Variants in SHLD1 observed in about 807,000 individuals in gnomAD.
The protein encoded by SHLD1 is shieldin complex subunit 1.
Under a neutral mutation model 5.5 loss-of-function variants are expected in SHLD1, and 3 were observed. That is an observed-to-expected ratio of 0.54 (90% CI 0.25 to 1.40). The LOEUF (loss-of-function observed/expected upper bound fraction) is 1.40. Among genes scored for constraint, SHLD1 ranks in the 40% most tolerant of loss-of-function variants. The pLI is 0.15. For synonymous variants in SHLD1, 92 were observed against 94.3 expected (o/e 0.98, Z 0.14); for missense variants, 210 against 244.4 (o/e 0.86, Z 0.94).
At chr20:5,770,616 C>T (rs940132515) in intron 1 of SHLD1, among the ~76,000 whole-genome samples, 1 of 152,212 alleles carries the variant, frequency 6.6e-6, no homozygotes, top group African/African-American at 2.4e-5. Flanking sequence ...TCCACTCCAT[C>T]AGTCCTTCCA....
intron 1 of SHLD1, chr20:5,772,053 T>C: frequency 2.4e-6 from 1 of 409,586 alleles, no homozygotes; most frequent in Non-Finnish European, 4.9e-6. Flanking sequence ...TTTTTGTATT[T>C]GTAGTAGAGA....
At chr20:5,798,832 A>G (rs2087250199) in intron 2 of SHLD1, among the ~76,000 whole-genome samples, 1 of 151,694 alleles carries the variant, frequency 6.6e-6, no homozygotes, top group Non-Finnish European at 1.5e-5. Flanking sequence ...GTTAGCCAGG[A>G]TGGTCTCGAT....
chr20:5,853,116 A>G (rs1363015270), intron 2 of SHLD1, among the ~76,000 whole-genome samples: 1 of 152,250 alleles, frequency 6.6e-6, no homozygotes, highest in African/African-American at 2.4e-5. Flanking sequence ...GGTATCTACC[A>G]TGTGCCAGAC....
chr20:5,832,392 G>A (rs1847458082), intron 2 of SHLD1, among the ~76,000 whole-genome samples: 1 of 152,190 alleles, frequency 6.6e-6, no homozygotes, highest in African/African-American at 2.4e-5. Context: ...TAAGATCGGG[G>A]CTTTCACGTC....
chr20:5,849,417 G>A (rs1267778025), intron 2 of SHLD1, among the ~76,000 whole-genome samples: 1 of 152,194 alleles, frequency 6.6e-6, no homozygotes, highest in African/African-American at 2.4e-5. Context: ...GGACAAATCC[G>A]TGGAGGTTTA....
chr20:5,844,792 TATA>T (rs1302900460), intron 2 of SHLD1, among the ~76,000 whole-genome samples: 2,240 of 106,000 alleles, frequency 0.021, 117 homozygotes, highest in African/African-American at 0.094. Context: ...TATATATATA[TATA>T]TATATTTTTT....
intron 2 of SHLD1, among the ~76,000 whole-genome samples, chr20:5,842,059 C>T (rs935256280): frequency 2.2e-4 from 33 of 152,192 alleles, no homozygotes; most frequent in African/African-American, 7.7e-4. Context: ...GCATAACTGG[C>T]TTATTATGGA....
chr20:5,815,942 G>A (rs142817728), intron 2 of SHLD1, among the ~76,000 whole-genome samples: 53 of 152,138 alleles, frequency 3.5e-4, no homozygotes, highest in South Asian at 8.3e-4. Flanking sequence ...TTATCCAGGT[G>A]TGGTGGTGTG....
intron 2 of SHLD1, among the ~76,000 whole-genome samples, chr20:5,848,762 AT>A (rs1392285683): frequency 1.3e-5 from 2 of 152,130 alleles, no homozygotes; most frequent in African/African-American, 4.8e-5. Flanking sequence ...TTTTAGGACT[AT>A]TTACTAAACA....
chr20:5,857,292 T>C (rs1357373435), intron 2 of SHLD1, among the ~76,000 whole-genome samples: 1 of 152,084 alleles, frequency 6.6e-6, no homozygotes. Context: ...TATAAGTCCA[T>C]TATGAACATT....
chr20:5,862,945 T>G, intron 2 of SHLD1, 79 bp from the exon 3 acceptor site: 2 of 1,263,972 alleles, frequency 1.6e-6, no homozygotes, highest in Non-Finnish European at 2.2e-6. Flanking sequence ...GAACTGAAAA[T>G]AGACATCATC....
chr20:5,765,597 G>A (rs1291453282), intron 1 of SHLD1, among the ~76,000 whole-genome samples: 1 of 151,864 alleles, frequency 6.6e-6, no homozygotes, highest in African/African-American at 2.4e-5. Context: ...TCTAGAGAAG[G>A]AAGTTGAACC....
At chr20:5,824,072 G>T (rs1371131400) in intron 2 of SHLD1, among the ~76,000 whole-genome samples, 2 of 152,176 alleles carry the variant, frequency 1.3e-5, no homozygotes, top group Non-Finnish European at 2.9e-5. Context: ...CACAATCCAA[G>T]CTGCTCCATC....
chr20:5,858,823 A>C (rs2088122827), intron 2 of SHLD1, among the ~76,000 whole-genome samples: 1 of 152,162 alleles, frequency 6.6e-6, no homozygotes, highest in Non-Finnish European at 1.5e-5. Flanking sequence ...TGACAGAGTA[A>C]GACTTCACCT....
At position 5,857,735 on chromosome 20, in the gene SHLD1, G is replaced by T. The variant is rs1468154919; in HGVS notation, c.179-5289G>T. On this transcript the variant is annotated intron_variant, in intron 2 of 2. Coordinates refer to ENST00000303142, the MANE Select transcript of SHLD1 (RefSeq NM_152504.4). ...GAGGTGGGAGGATCGCCTGAGCCCA[G>T]AAGGTGGGCTCAGGCAGTGAGCTGT... Among the ~76,000 whole-genome samples the T allele has an allele frequency of 3.3e-5, 5 of 151,860 alleles. No homozygotes were observed. In the East Asian group the frequency reaches 9.7e-4, roughly 29 times the overall value.
At chr20:5,850,465 G>A (rs574130645) in intron 2 of SHLD1, among the ~76,000 whole-genome samples, 1 of 151,190 alleles carries the variant, frequency 6.6e-6, no homozygotes, top group East Asian at 1.9e-4. Flanking sequence ...GACCTGGTCT[G>A]TCTGAGGATG....
intron 1 of SHLD1, among the ~76,000 whole-genome samples, chr20:5,765,485 T>A (rs976255795): frequency 6.6e-6 from 1 of 151,302 alleles, no homozygotes; most frequent in African/African-American, 2.4e-5. Context: ...TCTGACCTTG[T>A]GATCCACCCA....
intron 2 of SHLD1, among the ~76,000 whole-genome samples, chr20:5,830,651 G>A (rs2087718007): frequency 6.7e-6 from 1 of 149,682 alleles, no homozygotes; most frequent in South Asian, 2.1e-4. Flanking sequence ...TTGCGCCATT[G>A]CACTCCAGCC....
chr20:5,791,792 C>T, intron 2 of SHLD1, among the ~76,000 whole-genome samples: 1 of 150,864 alleles, frequency 6.6e-6, no homozygotes, highest in South Asian at 2.1e-4. Context: ...ACTCGACTCT[C>T]AAAAAAAAAT....
Sources: gnomAD v4.1 joint callset for allele counts (sites outside exome capture counted in the v4.1 genomes callset) on GRCh38, gnomAD v4.1.1 for gene constraint, MANE v1.5 for transcripts, NCBI Gene and HGNC (gene_info 2026-07-23, HGNC 2026-07-21) for gene names.